C2orf72: variants seen among roughly 807,000 people sequenced by gnomAD.
The protein encoded by C2orf72 is uncharacterized protein C2orf72.
Under a neutral mutation model 14.4 loss-of-function variants are expected in C2orf72, and 16 were observed. That is an observed-to-expected ratio of 1.11 (90% confidence interval 0.75 to 1.69). C2orf72 has a LOEUF of 1.69. Ranked by LOEUF, C2orf72 falls within the 40% of genes most tolerant of loss-of-function variation. C2orf72 has a pLI of 0.00. For missense variants in C2orf72, 371 were observed against 358.3 expected (o/e 1.04, Z -0.29); for synonymous variants, 168 against 176.8 (o/e 0.95, Z 0.40).
intron 2 of C2orf72, among the ~76,000 whole-genome samples, chr2:231,043,087 G>C (rs1377152324): frequency 6.6e-6 from 1 of 152,242 alleles, no homozygotes; most frequent in African/African-American, 2.4e-5. Context: ...CTGGCTGTCA[G>C]CTGGGGCTGC....
intron 2 of C2orf72, 61 bp from the exon 3 acceptor site, chr2:231,046,821 C>A: frequency 6.7e-7 from 1 of 1,482,848 alleles, no homozygotes; most frequent in Non-Finnish European, 9.0e-7. Flanking sequence ...CTTTTCCTTC[C>A]TAGATAACTC....
intron 1 of C2orf72, 167 bp from the exon 2 acceptor site, chr2:231,041,129 G>A (rs1693334122): frequency 5.6e-6 from 3 of 538,666 alleles, no homozygotes; most frequent in Admixed American, 3.5e-5. Context: ...TTAAAGTTCG[G>A]TTTTAAAAAC....
intron 1 of C2orf72, among the ~76,000 whole-genome samples, chr2:231,039,825 C>G (rs1425120379): frequency 6.6e-6 from 1 of 151,974 alleles, no homozygotes; most frequent in Non-Finnish European, 1.5e-5. Context: ...TCACTGCAAC[C>G]TCTGCCTCCC....
chr2:231,045,011 T>G (rs963397937), intron 2 of C2orf72, among the ~76,000 whole-genome samples: 8 of 149,468 alleles, frequency 5.4e-5, no homozygotes, highest in African/African-American at 1.5e-4. Flanking sequence ...AAAATAATGT[T>G]AAAACATATA....
chr2:231,049,466 T>G lies in C2orf72; in HGVS notation c.*2445T>G, dbSNP rs959892860. The G allele has an allele frequency of 6.6e-6, 1 of 152,048 alleles. No homozygotes were observed. Among genetic ancestry groups the G allele is most frequent in the Non-Finnish European group, 1.5e-5 (1 of 68,044 alleles). 9.4% of individuals were successfully genotyped at this position (152,048 alleles called of 1,614,324 possible). A position where few individuals can be genotyped will look rare whatever the true frequency, so the allele number is the denominator to read the frequency against. On this transcript the variant is annotated 3_prime_UTR_variant, in exon 3 of 3. Coordinates refer to ENST00000373640, the MANE Select transcript of C2orf72 (RefSeq NM_001144994.2). ...CAGAAAGGACAATCTTGATGGTGGG[T>G]CCCCTCCCTGAAGGACTTTAAGAAG...
chr2:231,047,415 C>T lies in C2orf72; in HGVS notation c.*394C>T, dbSNP rs1693433257. ...GAGTGCAGCTGGGAAGAACTCTGAA[C>T]CAGAAGTCATCAGAGCTGAGGCATG... On this transcript the variant is annotated 3_prime_UTR_variant, in exon 3 of 3. Coordinates refer to ENST00000373640, the MANE Select transcript of C2orf72 (RefSeq NM_001144994.2). 5.6e-6 allele frequency: 2 copies of T among 355,980 alleles called. No individual in the cohort carries two copies. Among genetic ancestry groups the T allele is most frequent in the African/African-American group, 4.3e-5 (2 of 46,972 alleles). The allele number at this position is 355,980 out of a possible 1,614,324, so 22.1% of individuals were successfully genotyped here.
chr2:231,040,984 T>G, intron 1 of C2orf72: 1 of 195,478 alleles, frequency 5.1e-6, no homozygotes, highest in Non-Finnish European at 1.0e-5. Context: ...TCTTTGAGTA[T>G]TTTGTTTGGT....
Position 231,041,403 on chromosome 2 carries a change from G to T in C2orf72, c.742G>T (p.Ala248Ser). 6.4e-7 allele frequency: 1 copy of T among 1,550,754 alleles called. No individual in the cohort carries two copies. The highest frequency in any genetic ancestry group is 1.2e-5 in the South Asian group (1 of 84,022). Reference protein sequence around the residue: ...NQDVAACRSSAQEDFQEPEEE... With the variant: ...NQDVAACRSSSQEDFQEPEEE... ...GGATGTTGCTGCCTGCAGAAGCTCA[G>T]CTCAGGGTGAGTGCTCCCCGACCTC... The change falls in exon 2 of 3, where the codon GCT becomes TCT. Residue 248 changes from alanine to serine, a missense_variant. Ala to Ser is a moderately conservative substitution (Grantham distance 99). This residue lies in a region of C2orf72 where 145 missense variants were observed against 149.4 expected (regional missense o/e 0.97). Transcript: ENST00000373640.
chr2:231,045,012 A>T (rs1693396176), intron 2 of C2orf72, among the ~76,000 whole-genome samples: 1 of 150,610 alleles, frequency 6.6e-6, no homozygotes, highest in African/African-American at 2.4e-5. Flanking sequence ...AAATAATGTT[A>T]AAACATATAG....
intron 1 of C2orf72, among the ~76,000 whole-genome samples, chr2:231,039,563 T>A (rs1693313091): frequency 6.6e-6 from 1 of 152,098 alleles, no homozygotes; most frequent in Non-Finnish European, 1.5e-5. Context: ...AATGTCACAT[T>A]CACCTGCCAG....
intron 1 of C2orf72, among the ~76,000 whole-genome samples, chr2:231,039,478 G>A (rs1693312030): frequency 6.6e-6 from 1 of 151,980 alleles, no homozygotes; most frequent in Non-Finnish European, 1.5e-5. Flanking sequence ...GCTGTATTGT[G>A]TGTCTCCTGG....
At position 231,037,992 on chromosome 2, in the gene C2orf72, G is replaced by A; in HGVS notation, c.427G>A (p.Val143Ile). ...RGRRRAGAAL[V>I]GVLVAEAGPE... Reference sequence around the variant, plus strand: ...CCGGCGGCGGGCCGGGGCGGCGCTGGTCGGGGTGCTGGTGGCCGAGGCCGG... The same window carrying A: ...CCGGCGGCGGGCCGGGGCGGCGCTGATCGGGGTGCTGGTGGCCGAGGCCGG... The change falls in exon 1 of 3, where the codon GTC (valine) becomes ATC (isoleucine). Residue 143 changes from valine to isoleucine, a missense_variant. By Grantham distance (29) the Val-to-Ile change is conservative (BLOSUM62 3). This residue lies in a region of C2orf72 where 214 missense variants were observed against 178.7 expected (regional missense o/e 1.20). Coordinates refer to ENST00000373640, the MANE Select transcript of C2orf72 (RefSeq NM_001144994.2). 9.6e-7 allele frequency: 1 copy of A among 1,040,192 alleles called. No individual in the cohort carries two copies. Among genetic ancestry groups the A allele is most frequent in the Non-Finnish European group, 1.1e-6 (1 of 869,800 alleles). The allele number at this position is 1,040,192 out of a possible 1,614,324, so 64.4% of individuals were successfully genotyped here.
chr2:231,047,557 T>C lies in C2orf72; in HGVS notation c.*536T>C, dbSNP rs2125139722. ...GTCCCTCCAGGCAGCATTGGAAATGTGTGTGTGTTGAGGGGGTCACAGTGA... is the reference window on the plus strand; with the variant it reads ...GTCCCTCCAGGCAGCATTGGAAATGCGTGTGTGTTGAGGGGGTCACAGTGA... On this transcript the variant is annotated 3_prime_UTR_variant, in exon 3 of 3. Transcript: ENST00000373640. The C allele has an allele frequency of 3.7e-6, 1 of 268,556 alleles. No individual in the cohort carries two copies. The highest frequency in any genetic ancestry group is 9.3e-5 in the East Asian group (1 of 10,764). 16.6% of individuals were successfully genotyped at this position (268,556 alleles called of 1,614,324 possible). A position where few individuals can be genotyped will look rare whatever the true frequency, so the allele number is the denominator to read the frequency against.
chr2:231,046,503 C>A (rs908076974), intron 2 of C2orf72, among the ~76,000 whole-genome samples: 3 of 152,146 alleles, frequency 2.0e-5, no homozygotes, highest in African/African-American at 7.2e-5. Flanking sequence ...TAAGAGAAAT[C>A]ATTATCTCAC....
rs8495 is a variant in C2orf72 at position 231,047,992 on chromosome 2, C to T, written c.*971C>T. 1.3e-5 allele frequency: 2 copies of T among 152,378 alleles called. No individual in the cohort carries two copies. Among genetic ancestry groups the T allele is most frequent in the Admixed American group, 1.3e-4 (2 of 15,310 alleles). 9.4% of individuals were successfully genotyped at this position (152,378 alleles called of 1,614,324 possible). A position where few individuals can be genotyped will look rare whatever the true frequency, so the allele number is the denominator to read the frequency against. ...CACCAAACAGAAGGAAAGCTAGGGG[C>T]TTGGACTACTGGGTATAGGACTTGC... On this transcript the variant is annotated 3_prime_UTR_variant, in exon 3 of 3. Transcript: ENST00000373640.
rs58611878 is a variant in C2orf72, at chr2:231,044,945, TTA to T, written c.749-1920_749-1919del. On this transcript the variant is annotated intron_variant, in intron 2 of 2. Coordinates refer to ENST00000373640, the MANE Select transcript of C2orf72 (RefSeq NM_001144994.2). The stretch of plus-strand genomic sequence containing the variant: ...TATACGTGTGTGTGTATATATATCT[TTA>T]TATATATATATATATACACACACAC... 2.8e-3 allele frequency among the ~76,000 whole-genome samples: 397 copies of T among 141,584 alleles called. 4 individuals carry two copies. Among genetic ancestry groups the T allele is most frequent in the Admixed American group, 4.8e-3 (68 of 14,184 alleles). The allele number at this position is 141,584 out of a possible 152,430, so 92.9% of individuals were successfully genotyped here. A position where few individuals can be genotyped will look rare whatever the true frequency, so the allele number is the denominator to read the frequency against.
intron 2 of C2orf72, among the ~76,000 whole-genome samples, chr2:231,045,955 C>A (rs1192049088): frequency 2.0e-5 from 3 of 152,196 alleles, no homozygotes; most frequent in Non-Finnish European, 4.4e-5. Context: ...CTGCCTTCCA[C>A]AGCAATAATT....
At chr2:231,039,421 T>C (rs1262638364) in intron 1 of C2orf72, among the ~76,000 whole-genome samples, 1 of 151,666 alleles carries the variant, frequency 6.6e-6, no homozygotes, top group Non-Finnish European at 1.5e-5. Flanking sequence ...TGGGCAGCCC[T>C]TCAAGCCCTC....
intron 2 of C2orf72, among the ~76,000 whole-genome samples, chr2:231,043,444 AAT>A (rs965866481): frequency 6.6e-6 from 1 of 152,220 alleles, no homozygotes; most frequent in African/African-American, 2.4e-5. Flanking sequence ...TCATTCACTT[AAT>A]TCCATCATTC....
Sources: allele counts gnomAD v4.1 joint callset (sites outside exome capture counted in the v4.1 genomes callset), GRCh38; gene constraint gnomAD v4.1.1; regional missense constraint gnomAD v4.1.1; transcripts MANE v1.5; gene names NCBI Gene and HGNC (gene_info 2026-07-23, HGNC 2026-07-21).